The following RARB variants were observed in gnomAD, a reference collection of about 807,000 sequenced individuals.
RARB encodes the protein HBV-activated protein.
RARB carries 17 observed loss-of-function variants against 51.9 expected under a neutral mutation model. The observed-to-expected ratio is 0.33, with a 90% confidence interval of 0.22 to 0.49. RARB has a LOEUF of 0.49. RARB is among the 20% of genes least tolerant of loss of function. RARB has a pLI of 0.99. For missense variants in RARB, 369 were observed against 550.8 expected (o/e 0.67, Z 3.30); for synonymous variants, 215 against 195.4 (o/e 1.10, Z -0.84).
Position 25,070,531 on chromosome 3 carries a change from AC to A in RARB, c.-328+10361del, listed in dbSNP as rs928487875. On this transcript the variant is annotated intron_variant, in intron 3 of 11. Coordinates refer to the RARB transcript ENST00000383772. ...AGTTATATGAAATAATCAAAATAAG[AC>A]CCCCCACCCATTGTTTACAGAAATA... 1.4e-4 allele frequency among the ~76,000 whole-genome samples: 11 copies of A among 80,046 alleles called. No individual in the cohort carries two copies. The East Asian group carries it at 3.7e-3, about 27-fold the overall frequency. The allele number at this position is 80,046 out of a possible 152,430, so 52.5% of individuals were successfully genotyped here.
rs182919952 is a variant in RARB, at chr3:24,992,168, T to C, written c.-379-67957T>C. 1.1e-4 allele frequency among the ~76,000 whole-genome samples: 17 copies of C among 152,282 alleles called. 1 individual carries two copies. The highest frequency in any genetic ancestry group is 2.6e-4 in the Admixed American group (4 of 15,290). On this transcript the variant is annotated intron_variant, in intron 2 of 11. Transcript: ENST00000383772. ...TGCTCTGTCACATCATATATTTATATTGTTTGGAAGAAGTAGAATTAAGTT... is the reference window on the plus strand; with the variant it reads ...TGCTCTGTCACATCATATATTTATACTGTTTGGAAGAAGTAGAATTAAGTT...
intron 2 of RARB, among the ~76,000 whole-genome samples, chr3:24,892,580 C>A (rs1322676105): frequency 1.3e-5 from 2 of 152,118 alleles, no homozygotes; most frequent in South Asian, 2.1e-4. Context: ...AGAGAATGGC[C>A]AAAACATATT....
intron 4 of RARB, among the ~76,000 whole-genome samples, chr3:25,148,795 A>G (rs1158531843): frequency 6.6e-6 from 1 of 152,188 alleles, no homozygotes; most frequent in South Asian, 2.1e-4. Flanking sequence ...CCTTGTAAGT[A>G]GTTGCCAAAT....
chr3:25,210,587 G>C (rs938996281), intron 5 of RARB, among the ~76,000 whole-genome samples: 4 of 125,304 alleles, frequency 3.2e-5, no homozygotes, highest in Non-Finnish European at 4.8e-5. Flanking sequence ...CCAGGCAAGA[G>C]TGCAGAGGTG....
At chr3:25,575,206 C>T (rs1158430369) in intron 4 of RARB, among the ~76,000 whole-genome samples, 3 of 152,084 alleles carry the variant, frequency 2.0e-5, no homozygotes, top group Non-Finnish European at 4.4e-5. Context: ...AATGTAATGC[C>T]GCCGCTGATC....
intron 5 of RARB, among the ~76,000 whole-genome samples, chr3:25,588,076 A>G (rs1701471155): frequency 6.6e-6 from 1 of 152,234 alleles, no homozygotes; most frequent in Non-Finnish European, 1.5e-5. Context: ...CAGAGCTCAT[A>G]TTCTAGAAGG....
chr3:25,344,200 C>T (rs1465133460), intron 5 of RARB, among the ~76,000 whole-genome samples: 1 of 152,164 alleles, frequency 6.6e-6, no homozygotes, highest in African/African-American at 2.4e-5. Flanking sequence ...AAATGAGTTA[C>T]AAGCTAAGTT....
intron 1 of RARB, among the ~76,000 whole-genome samples, chr3:25,458,053 A>C (rs1695003002): frequency 6.6e-6 from 1 of 151,254 alleles, no homozygotes; most frequent in African/African-American, 2.4e-5. Flanking sequence ...AGGGAGTGTA[A>C]ATCTACACAA....
chr3:25,395,859 A>C (rs1363364973), intron 5 of RARB, among the ~76,000 whole-genome samples: 2 of 152,060 alleles, frequency 1.3e-5, no homozygotes, highest in African/African-American at 4.8e-5. Flanking sequence ...TTTTTCTGGC[A>C]ATTCAGAGAT....
At chr3:25,005,736 T>C (rs1697257064) in intron 2 of RARB, among the ~76,000 whole-genome samples, 1 of 152,096 alleles carries the variant, frequency 6.6e-6, no homozygotes, top group Non-Finnish European at 1.5e-5. Context: ...ATGAAAGCTA[T>C]CTTCGAGGCT....
chr3:25,111,107 A>C (rs1454671221), intron 3 of RARB, among the ~76,000 whole-genome samples: 8 of 152,154 alleles, frequency 5.3e-5, no homozygotes, highest in African/African-American at 1.9e-4. Context: ...TACGGCTATG[A>C]CAGCAAGGAA....
chr3:25,373,532 G>A (rs1394105411), intron 5 of RARB, among the ~76,000 whole-genome samples: 1 of 152,178 alleles, frequency 6.6e-6, no homozygotes, highest in Non-Finnish European at 1.5e-5. Context: ...TATTAGTGTT[G>A]AGAGATTCTA....
At chr3:25,433,309 G>T (rs1316958153) in intron 1 of RARB, among the ~76,000 whole-genome samples, 1 of 26,010 alleles carries the variant, frequency 3.8e-5, no homozygotes, top group Non-Finnish European at 8.5e-5. Flanking sequence ...GGCACAGAAA[G>T]TCTTTGTTTG....
At chr3:25,068,629 T>C (rs1175646458) in intron 3 of RARB, among the ~76,000 whole-genome samples, 1 of 152,182 alleles carries the variant, frequency 6.6e-6, no homozygotes, top group African/African-American at 2.4e-5. Flanking sequence ...GATGATATTT[T>C]AATCCTTAGG....
chr3:24,913,343 A>C (rs926635060), intron 2 of RARB, among the ~76,000 whole-genome samples: 1 of 151,068 alleles, frequency 6.6e-6, no homozygotes, highest in African/African-American at 2.4e-5. Flanking sequence ...ATTTACAGAC[A>C]ATTGTAGAGA....
At chr3:25,204,008 A>G (rs1252336639) in intron 5 of RARB, among the ~76,000 whole-genome samples, 3 of 152,134 alleles carry the variant, frequency 2.0e-5, no homozygotes, top group Non-Finnish European at 1.5e-5. Context: ...CTCCTGGATA[A>G]TATCCTGCAG....
At chr3:25,300,327 G>A (rs1255820544) in intron 5 of RARB, among the ~76,000 whole-genome samples, 1 of 152,232 alleles carries the variant, frequency 6.6e-6, no homozygotes, top group Admixed American at 6.5e-5. Context: ...TGTCTTTGTG[G>A]AGGAAGGAGA....
intron 2 of RARB, among the ~76,000 whole-genome samples, chr3:25,463,661 C>CAA (rs200673086): frequency 4.6e-4 from 55 of 120,508 alleles, no homozygotes; most frequent in African/African-American, 1.1e-3. Flanking sequence ...GACTCCATCT[C>CAA]AAAAAAAAAA....
At chr3:24,909,633 A>G (rs1371773448) in intron 2 of RARB, among the ~76,000 whole-genome samples, 1 of 148,894 alleles carries the variant, frequency 6.7e-6, no homozygotes, top group Non-Finnish European at 1.5e-5. Context: ...CCATTAAGCT[A>G]TCTCTACCTT....
Sources: gnomAD v4.1 joint callset for allele counts (sites outside exome capture counted in the v4.1 genomes callset) on GRCh38, gnomAD v4.1.1 for gene constraint, MANE v1.5 for transcripts, NCBI Gene and HGNC (gene_info 2026-07-23, HGNC 2026-07-21) for gene names.